SEMA5A: variants seen among roughly 807,000 people sequenced by gnomAD.
SEMA5A encodes the protein semaphorin-5A.
SEMA5A carries 55 observed loss-of-function variants against 135.5 expected under a neutral mutation model. The ratio of observed to expected loss-of-function variants is 0.41; its 90% CI spans 0.33 to 0.51. The LOEUF is 0.51. Ranked by LOEUF, SEMA5A falls within the 20% of genes least tolerant of loss-of-function variation. SEMA5A has a pLI of 0.37. For synonymous variants in SEMA5A, 580 were observed against 546.5 expected (o/e 1.06, Z -0.85); for missense variants, 1,290 against 1,419.9 (o/e 0.91, Z 1.47).
chr5:9,431,829 A>G (rs924633232), intron 2 of SEMA5A, among the ~76,000 whole-genome samples: 5 of 152,248 alleles, frequency 3.3e-5, no homozygotes. Flanking sequence ...GTGTCTGAGA[A>G]TAAACAGCAC....
At chr5:9,302,693 G>A (rs1183013626) in intron 5 of SEMA5A, among the ~76,000 whole-genome samples, 1 of 152,154 alleles carries the variant, frequency 6.6e-6, no homozygotes, top group African/African-American at 2.4e-5. Context: ...TAAACCTTTA[G>A]AAATTGACAT....
chr5:9,139,920 C>A (rs556016579), intron 12 of SEMA5A, among the ~76,000 whole-genome samples: 2 of 152,202 alleles, frequency 1.3e-5, no homozygotes, highest in East Asian at 3.9e-4. Context: ...GCTCCCTATC[C>A]TTTATCCACT....
At chr5:9,480,739 G>C (rs1247283838) in intron 1 of SEMA5A, among the ~76,000 whole-genome samples, 1 of 152,150 alleles carries the variant, frequency 6.6e-6, no homozygotes, top group African/African-American at 2.4e-5. Context: ...TCCATGCACT[G>C]GGGGTGTGCA....
chr5:9,144,300 G>A (rs1433879143), intron 12 of SEMA5A, among the ~76,000 whole-genome samples: 1 of 152,098 alleles, frequency 6.6e-6, no homozygotes, highest in East Asian at 1.9e-4. Context: ...TAGGGTTTAA[G>A]GGTCAACAAT....
intron 11 of SEMA5A, among the ~76,000 whole-genome samples, chr5:9,172,029 T>C (rs919647772): frequency 1.3e-5 from 2 of 150,890 alleles, no homozygotes; most frequent in South Asian, 2.1e-4. Context: ...TGAGGTAGCA[T>C]TGAGCCTGGG....
At chr5:9,298,278 T>C (rs1048655128) in intron 5 of SEMA5A, among the ~76,000 whole-genome samples, 6 of 152,110 alleles carry the variant, frequency 3.9e-5, no homozygotes, top group African/African-American at 1.4e-4. Context: ...CCAAAAGGCT[T>C]GAGTGGTGAT....
intron 12 of SEMA5A, among the ~76,000 whole-genome samples, chr5:9,139,058 G>T (rs1224647901): frequency 6.6e-6 from 1 of 152,170 alleles, no homozygotes; most frequent in Non-Finnish European, 1.5e-5. Context: ...CTATAAACAT[G>T]CATGTGCAAG....
At chr5:9,201,487 C>A (rs1312536569) in intron 9 of SEMA5A, among the ~76,000 whole-genome samples, 1 of 152,168 alleles carries the variant, frequency 6.6e-6, no homozygotes. Flanking sequence ...GTGTAAAATG[C>A]AGCTATGGAA....
At position 9,110,645 on chromosome 5, in the gene SEMA5A, G is replaced by A. The variant is rs73741657; in HGVS notation, c.1926-2358C>T. 2.8e-3 allele frequency among the ~76,000 whole-genome samples: 421 copies of A among 152,308 alleles called. 4 individuals carry two copies. The highest frequency in any genetic ancestry group is 9.7e-3 in the African/African-American group (404 of 41,562). On this transcript the variant is annotated intron_variant, in intron 15 of 22. Coordinates refer to ENST00000382496, the MANE Select transcript of SEMA5A (RefSeq NM_003966.3). ...GAAGACACTCTTACTTCCAGGGAGA[G>A]ATAGTTGATGTGTAGGGGGTGAAGG... is the stretch of plus-strand genomic sequence containing the variant.
At chr5:9,490,095 A>G (rs1035293043) in intron 1 of SEMA5A, among the ~76,000 whole-genome samples, 4 of 152,196 alleles carry the variant, frequency 2.6e-5, no homozygotes, top group African/African-American at 9.6e-5. Flanking sequence ...AAGATAATAA[A>G]AAATACATAA....
intron 1 of SEMA5A, among the ~76,000 whole-genome samples, chr5:9,443,172 G>T (rs1285505665): frequency 6.6e-6 from 1 of 152,178 alleles, no homozygotes; most frequent in Admixed American, 6.5e-5. Context: ...ACAGGAATGT[G>T]CTTGGATAAA....
In SEMA5A at chr5:9,306,294, G is replaced by T. The variant is rs114873730; in HGVS notation, c.270+12078C>A. On this transcript the variant is annotated intron_variant, in intron 5 of 22. Transcript: ENST00000382496. ...GTATGTGAGTTAGAGTTTTCAAGGT[G>T]TCATGTGTGTCTAATACTCTTTTAT... is the stretch of plus-strand genomic sequence containing the variant. 5.9e-3 allele frequency among the ~76,000 whole-genome samples: 891 copies of T among 152,082 alleles called. 7 individuals are homozygous for T. Among genetic ancestry groups the T allele is most frequent in the African/African-American group, 0.02 (826 of 41,428 alleles).
chr5:9,221,759 C>A (rs1240868686), intron 8 of SEMA5A, among the ~76,000 whole-genome samples: 1 of 152,116 alleles, frequency 6.6e-6, no homozygotes, highest in African/African-American at 2.4e-5. Flanking sequence ...CCCCGAGTGA[C>A]AAGAAGAGGT....
chr5:9,267,379 C>A (rs1025293745), intron 5 of SEMA5A, among the ~76,000 whole-genome samples: 1 of 152,136 alleles, frequency 6.6e-6, no homozygotes, highest in African/African-American at 2.4e-5. Context: ...TTCCTTGTGA[C>A]AGTTCATTGA....
chr5:9,479,007 T>G (rs927452195), intron 1 of SEMA5A, among the ~76,000 whole-genome samples: 1 of 152,156 alleles, frequency 6.6e-6, no homozygotes, highest in Non-Finnish European at 1.5e-5. Context: ...CCCCATTGTA[T>G]TCTCATGATA....
chr5:9,183,675 T>G (rs1282150401), intron 11 of SEMA5A, among the ~76,000 whole-genome samples: 1 of 152,188 alleles, frequency 6.6e-6, no homozygotes, highest in African/African-American at 2.4e-5. Context: ...TTATGCTCCA[T>G]TGCACCCCAG....
chr5:9,352,091 G>T (rs1754143201), intron 3 of SEMA5A, among the ~76,000 whole-genome samples: 4 of 52,784 alleles, frequency 7.6e-5, no homozygotes, highest in Admixed American at 5.7e-4. Flanking sequence ...GAATGTAACA[G>T]GTCGGGGGGG....
At chr5:9,301,735 A>T (rs1751620200) in intron 5 of SEMA5A, among the ~76,000 whole-genome samples, 1 of 152,166 alleles carries the variant, frequency 6.6e-6, no homozygotes, top group African/African-American at 2.4e-5. Flanking sequence ...CCCAGAGGAT[A>T]TTATTCTCTT....
intron 1 of SEMA5A, among the ~76,000 whole-genome samples, chr5:9,490,729 T>G (rs1734958611): frequency 6.6e-6 from 1 of 152,184 alleles, no homozygotes; most frequent in African/African-American, 2.4e-5. Context: ...CTGTGACTCC[T>G]TGGGGCAAAC....
Sources: gnomAD v4.1 joint callset for allele counts (sites outside exome capture counted in the v4.1 genomes callset) on GRCh38, gnomAD v4.1.1 for gene constraint, MANE v1.5 for transcripts, NCBI Gene and HGNC (gene_info 2026-07-23, HGNC 2026-07-21) for gene names.